The following PEX2 variants were observed in gnomAD, a reference collection of about 807,000 sequenced individuals.
PEX2 encodes peroxisome biogenesis factor 2.
A neutral mutation model predicts 25.2 loss-of-function variants in PEX2; 19 were observed. The ratio of observed to expected loss-of-function variants is 0.75; its 90% CI spans 0.53 to 1.10. PEX2 has a LOEUF of 1.10. Among genes scored for constraint, PEX2 ranks in the 50% least tolerant of loss-of-function variants. PEX2 has a pLI of 0.00. For synonymous variants in PEX2, 141 were observed against 127.7 expected, an observed-to-expected ratio of 1.10 and a Z score of -0.70; for missense variants, 347 against 350.6, an observed-to-expected ratio of 0.99 and a Z score of 0.08.
rs1244607966 is a variant in PEX2, at chr8:76,983,232, T to G, written c.*29A>C. 2 of 1,606,904 alleles carry G rather than the reference T, an allele frequency of 1.2e-6. No individual in the cohort carries two copies. The highest frequency in any genetic ancestry group is 2.2e-5 in the South Asian group (2 of 91,078). Reference sequence around the variant, plus strand: ...ATTAAGAATTTAAACACGGTGCATTTTTTTCCTCAAAGGAAGCAATTTTAG... The same window carrying G: ...ATTAAGAATTTAAACACGGTGCATTGTTTTCCTCAAAGGAAGCAATTTTAG... On this transcript the variant is annotated 3_prime_UTR_variant, in exon 4 of 4. Coordinates refer to ENST00000357039, the MANE Select transcript of PEX2 (RefSeq NM_000318.3).
intron 1 of PEX2, among the ~76,000 whole-genome samples, chr8:76,989,533 T>TA (rs969872723): frequency 9.3e-5 from 14 of 150,408 alleles, no homozygotes; most frequent in Admixed American, 4.7e-4. Flanking sequence ...ATGTAGTTCT[T>TA]AAAAAAAAAA....
Position 76,983,594 on chromosome 8 carries a change from A to G in PEX2, c.585T>C (p.Leu195=). ...GAAATTCAGCAAAACCATGCCAGAG[A>G]AGTTCCCTATTCATGTATTCAAAGC... ...EVGFEYMNRE[L]LWHGFAEFLI... is the part of the protein sequence containing the mutation. Residue 195 remains leucine (L), a synonymous_variant, in exon 4 of 4, where the codon CTT becomes CTC. Coordinates refer to ENST00000357039, the MANE Select transcript of PEX2 (RefSeq NM_000318.3). 1 of 1,614,126 alleles carries G rather than the reference A, an allele frequency of 6.2e-7. No individual in the cohort carries two copies. Among genetic ancestry groups the G allele is most frequent in the Non-Finnish European group, 8.5e-7 (1 of 1,179,994 alleles).
chr8:76,995,304 C>T (rs1807291307), intron 1 of PEX2, among the ~76,000 whole-genome samples: 1 of 152,156 alleles, frequency 6.6e-6, no homozygotes, highest in South Asian at 2.1e-4. Flanking sequence ...TCCAACAGAC[C>T]TCTAAATTAC....
At chr8:76,999,396 A>C (rs1807428457) in intron 1 of PEX2, among the ~76,000 whole-genome samples, 1 of 152,240 alleles carries the variant, frequency 6.6e-6, no homozygotes, top group South Asian at 2.1e-4. Flanking sequence ...AGAACCCAGG[A>C]AAAAATGTTA....
intron 1 of PEX2, among the ~76,000 whole-genome samples, chr8:76,989,470 A>T (rs2132051772): frequency 6.6e-6 from 1 of 152,290 alleles, no homozygotes; most frequent in East Asian, 1.9e-4. Context: ...TTTTCAATTT[A>T]CTTTGCCCAG....
Position 76,983,046 on chromosome 8 carries a change from C to G in PEX2, c.*215G>C. ...TATTCTTGACATTAAAAATTGAATG[C>G]AATGATTTAAAAAACATAATACATT... On this transcript the variant is annotated 3_prime_UTR_variant, in exon 4 of 4. Coordinates refer to ENST00000357039, the MANE Select transcript of PEX2 (RefSeq NM_000318.3). 1.5e-6 allele frequency: 2 copies of G among 1,296,480 alleles called. No homozygotes were observed. Among genetic ancestry groups the G allele is most frequent in the Non-Finnish European group, 2.0e-6 (2 of 988,220 alleles). The allele number at this position is 1,296,480 out of a possible 1,614,324, so 80.3% of individuals were successfully genotyped here.
intron 3 of PEX2, among the ~76,000 whole-genome samples, chr8:76,984,613 TACA>T (rs2077663890): frequency 1.3e-5 from 2 of 152,134 alleles, no homozygotes; most frequent in Admixed American, 6.6e-5. Context: ...AGGTAATAAA[TACA>T]ACAACTATAT....
At chr8:76,986,473 C>T (rs1037341204) in intron 2 of PEX2, 177 bp from the exon 3 acceptor site, 3 of 152,360 alleles carry the variant, frequency 2.0e-5, no homozygotes, top group African/African-American at 7.2e-5. Flanking sequence ...TCATGGATTC[C>T]ATCAAACTGG....
rs1563604145 is a variant in PEX2, at chr8:76,981,161, T to A, written c.*2100A>T. ...TAATAGGAATAGGAATATGATGGCATATACATAGCATTTTAAAAATATATT... is the reference window on the plus strand; with the variant it reads ...TAATAGGAATAGGAATATGATGGCAAATACATAGCATTTTAAAAATATATT... On this transcript the variant is annotated 3_prime_UTR_variant, in exon 4 of 4. Coordinates refer to ENST00000357039, the MANE Select transcript of PEX2 (RefSeq NM_000318.3). 1 of 152,236 alleles carries A rather than the reference T, an allele frequency of 6.6e-6. No homozygotes were observed. Among genetic ancestry groups the A allele is most frequent in the Admixed American group, 6.5e-5 (1 of 15,284 alleles). 9.4% of individuals were successfully genotyped at this position (152,236 alleles called of 1,614,324 possible). A position where few individuals can be genotyped will look rare whatever the true frequency, so the allele number is the denominator to read the frequency against.
At chr8:76,990,149 G>C (rs901127259) in intron 1 of PEX2, among the ~76,000 whole-genome samples, 1 of 152,198 alleles carries the variant, frequency 6.6e-6, no homozygotes, top group East Asian at 1.9e-4. Context: ...TAAATCTCAC[G>C]AACCAACCTC....
chr8:76,991,352 A>C (rs1288724288), intron 1 of PEX2, among the ~76,000 whole-genome samples: 1 of 152,158 alleles, frequency 6.6e-6, no homozygotes, highest in Non-Finnish European at 1.5e-5. Context: ...CTTCTGTTAC[A>C]GTTTAACATT....
intron 1 of PEX2, among the ~76,000 whole-genome samples, chr8:76,990,644 C>G (rs527384337): frequency 1.1e-3 from 171 of 152,204 alleles, no homozygotes; most frequent in Non-Finnish European, 2.2e-3. Flanking sequence ...ACAGTCAGAA[C>G]ACCCAATATT....
Position 76,982,900 on chromosome 8 carries a change from G to T in PEX2, c.*361C>A. 1 of 288,898 alleles carries T rather than the reference G, an allele frequency of 3.5e-6. No homozygotes were observed. 17.9% of individuals were successfully genotyped at this position (288,898 alleles called of 1,614,324 possible). A position where few individuals can be genotyped will look rare whatever the true frequency, so the allele number is the denominator to read the frequency against. ...CACATTATCATATTATGTCAACTCT[G>T]AAAATAAATGCACACTCATCCCAGA... On this transcript the variant is annotated 3_prime_UTR_variant, in exon 4 of 4. Transcript: ENST00000357039.
At chr8:76,999,616 A>G (rs550961708) in intron 1 of PEX2, among the ~76,000 whole-genome samples, 1 of 152,310 alleles carries the variant, frequency 6.6e-6, no homozygotes, top group East Asian at 1.9e-4. Context: ...GATATTAAGT[A>G]AAGTTTGGAT....
rs1806937363 is a variant in PEX2, at chr8:76,984,194, C to G, written c.-16G>C. On this transcript the variant is annotated splice_region_variant and 5_prime_UTR_variant, in exon 4 of 4. Coordinates refer to ENST00000357039, the MANE Select transcript of PEX2 (RefSeq NM_000318.3). Reference sequence around the variant, plus strand: ...TGGAAGCCATGTCTTCTCTGAAGGTCTCTAGGAAAAAATACAATTGAAGAA... The same window carrying G: ...TGGAAGCCATGTCTTCTCTGAAGGTGTCTAGGAAAAAATACAATTGAAGAA... 1 of 1,612,816 alleles carries G rather than the reference C, an allele frequency of 6.2e-7. No homozygotes were observed. Among genetic ancestry groups the G allele is most frequent in the South Asian group, 1.1e-5 (1 of 91,046 alleles).
chr8:76,999,928 G>A (rs769903815), intron 1 of PEX2, 62 bp downstream of exon 1: 1 of 456,502 alleles, frequency 2.2e-6, no homozygotes, highest in South Asian at 1.5e-5. Context: ...GAAACTCCAC[G>A]ACCTCCCAGC....
chr8:76,996,061 T>C (rs538621664), intron 1 of PEX2, among the ~76,000 whole-genome samples: 32 of 151,530 alleles, frequency 2.1e-4, no homozygotes, highest in African/African-American at 6.5e-4. Context: ...ATGAGGAAAA[T>C]AGAGAAATCA....
At position 76,981,776 on chromosome 8, in the gene PEX2, T is replaced by C. The variant is rs904275605; in HGVS notation, c.*1485A>G. Reference sequence around the variant, plus strand: ...TGATTTTATATTTTTTCCTGAATTGTTGGTGTTTTCTACAATAATGTTTTA... The same window carrying C: ...TGATTTTATATTTTTTCCTGAATTGCTGGTGTTTTCTACAATAATGTTTTA... On this transcript the variant is annotated 3_prime_UTR_variant, in exon 4 of 4. Coordinates refer to ENST00000357039, the MANE Select transcript of PEX2 (RefSeq NM_000318.3). The C allele has an allele frequency of 2.0e-5, 3 of 152,198 alleles. No individual in the cohort carries two copies. The highest frequency in any genetic ancestry group is 7.2e-5 in the African/African-American group (3 of 41,460). 9.4% of individuals were successfully genotyped at this position (152,198 alleles called of 1,614,324 possible).
chr8:76,993,845 A>G (rs1303100074), intron 1 of PEX2, among the ~76,000 whole-genome samples: 1 of 152,184 alleles, frequency 6.6e-6, no homozygotes, highest in African/African-American at 2.4e-5. Context: ...GGGGAGAGAG[A>G]TATTTATTGG....
Sources: allele counts gnomAD v4.1 joint callset (sites outside exome capture counted in the v4.1 genomes callset), GRCh38; gene constraint gnomAD v4.1.1; transcripts MANE v1.5; gene names NCBI Gene and HGNC (gene_info 2026-07-23, HGNC 2026-07-21).